Variants in AGO2 observed in about 807,000 individuals in gnomAD.
AGO2 encodes argonaute RISC catalytic component 2, also known as protein argonaute-2.
Under a neutral mutation model 102.3 loss-of-function variants are expected in AGO2, and 5 were observed. The ratio of observed to expected loss-of-function variants is 0.05; its 90% CI spans 0.03 to 0.10. The LOEUF (loss-of-function observed/expected upper bound fraction) is 0.10. Ranked by LOEUF, AGO2 falls within the 10% of genes least tolerant of loss-of-function variation. The probability of loss-of-function intolerance (pLI) is 1.00; values close to 1 mark genes in which losing one functional copy is unlikely to be tolerated. For synonymous variants in AGO2, 449 were observed against 473.1 expected (o/e 0.95, Z 0.66); for missense variants, 541 against 1,183.7 (o/e 0.46, Z 7.97).
In AGO2 at chr8:140,525,392, A is replaced by G. The variant is rs2072485697; in HGVS notation, c.*6652T>C. Reference sequence around the variant, plus strand: ...GCCCAAGGCCAGCCCAGCGGACCCAAGCAGCCTGTACCCTGGGCCGGCAGG... The same window carrying G: ...GCCCAAGGCCAGCCCAGCGGACCCAGGCAGCCTGTACCCTGGGCCGGCAGG... On this transcript the variant is annotated 3_prime_UTR_variant, in exon 19 of 19. Transcript: ENST00000220592. 1 of 152,368 alleles carries G rather than the reference A, an allele frequency of 6.6e-6. No homozygotes were observed. Among genetic ancestry groups the G allele is most frequent in the Non-Finnish European group, 1.5e-5 (1 of 68,196 alleles). The allele number at this position is 152,368 out of a possible 1,614,324, so 9.4% of individuals were successfully genotyped here. A position where few individuals can be genotyped will look rare whatever the true frequency, so the allele number is the denominator to read the frequency against.
chr8:140,541,370 G>A lies in AGO2; in HGVS notation c.1840-12C>T. ...ATGCTGCCCACCACCTGCAGGAACA[G>A]GCAGTGAGTGTGGTCAGGGGTTCCC... is the stretch of plus-strand genomic sequence containing the variant. On this transcript the variant is annotated splice_polypyrimidine_tract_variant and intron_variant, in intron 14 of 18. Transcript: ENST00000220592. 1 of 1,590,350 alleles carries A rather than the reference G, an allele frequency of 6.3e-7. No individual in the cohort carries two copies. The highest frequency in any genetic ancestry group is 8.5e-7 in the Non-Finnish European group (1 of 1,170,332).
At chr8:140,616,672 G>GCTGA (rs1182072571) in intron 1 of AGO2, among the ~76,000 whole-genome samples, 2 of 152,368 alleles carry the variant, frequency 1.3e-5, no homozygotes, top group South Asian at 2.1e-4. Flanking sequence ...AGGGGCAGCA[G>GCTGA]CAGTGGGCAG....
At chr8:140,580,020 G>A (rs948408349) in intron 2 of AGO2, among the ~76,000 whole-genome samples, 1 of 152,270 alleles carries the variant, frequency 6.6e-6, no homozygotes, top group Non-Finnish European at 1.5e-5. Flanking sequence ...CCTCCTCCTC[G>A]CAGCCCACCC....
chr8:140,544,440 G>T (rs551320818), intron 13 of AGO2, 137 bp from the exon 14 acceptor site: 3 of 720,120 alleles, frequency 4.2e-6, no homozygotes, highest in East Asian at 3.2e-5. Flanking sequence ...TCTTTTAACC[G>T]GAATACTAAA....
At chr8:140,586,469 G>C (rs751489450) in intron 1 of AGO2, among the ~76,000 whole-genome samples, 1 of 152,352 alleles carries the variant, frequency 6.6e-6, no homozygotes, top group African/African-American at 2.4e-5. Context: ...CTGGGTGACA[G>C]AGCGAGACTC....
chr8:140,585,246 C>T lies in AGO2; in HGVS notation c.88G>A (p.Asp30Asn), dbSNP rs777295689. 5.0e-6 allele frequency: 8 copies of T among 1,613,944 alleles called. No individual in the cohort carries two copies. In the African/African-American group the frequency reaches 5.3e-5, roughly 11 times the overall value. Residue 30 changes from aspartate to asparagine, a missense_variant, in exon 2 of 19, where the codon GAC (aspartate) becomes AAC (asparagine). Physicochemically the swap from Asp to Asn is conservative, Grantham distance 23. Around this residue, in one of 6 missense-constraint regions of AGO2, gnomAD observed 147 missense variants for 204.1 expected, o/e 0.72. Coordinates refer to ENST00000220592, the MANE Select transcript of AGO2 (RefSeq NM_012154.5). ...ATTGTTCTCCCGGAGGTCCCAAAGT[C>T]GGGTCTAGGTGGAGGCTTGAAGGCA... ...GYAFKPPPRP[D>N]FGTSGRTIKL... is the part of the protein sequence containing the mutation.
chr8:140,579,040 C>G (rs1341535876), intron 2 of AGO2, among the ~76,000 whole-genome samples: 1 of 152,146 alleles, frequency 6.6e-6, no homozygotes, highest in Non-Finnish European at 1.5e-5. Context: ...CTGGGCAACA[C>G]AGAGAGACCC....
intron 1 of AGO2, among the ~76,000 whole-genome samples, chr8:140,620,082 A>T (rs1434028050): frequency 1.3e-5 from 2 of 152,214 alleles, no homozygotes; most frequent in African/African-American, 4.8e-5. Flanking sequence ...GGAGAGGAAC[A>T]GTCAGAATGT....
At chr8:140,559,667 T>G in intron 5 of AGO2, 138 bp from the exon 6 acceptor site, 11 of 1,138,182 alleles carry the variant, frequency 9.7e-6, no homozygotes, top group Non-Finnish European at 9.9e-6. Context: ...CTACTGAGGC[T>G]AGCCTCAGGC....
chr8:140,584,127 G>C (rs931817888), intron 2 of AGO2, among the ~76,000 whole-genome samples: 1 of 101,120 alleles, frequency 9.9e-6, no homozygotes, highest in African/African-American at 3.8e-5. Context: ...AAAAAGACAA[G>C]AAACTCAGTA....
chr8:140,599,619 G>T (rs764873880), intron 1 of AGO2, among the ~76,000 whole-genome samples: 3 of 152,174 alleles, frequency 2.0e-5, no homozygotes, highest in Non-Finnish European at 4.4e-5. Context: ...CTCACCCGGG[G>T]TGCTCAAAGC....
chr8:140,576,295 GAC>G (rs2073462144), intron 2 of AGO2, among the ~76,000 whole-genome samples: 1 of 152,146 alleles, frequency 6.6e-6, no homozygotes, highest in Admixed American at 6.5e-5. Context: ...GCCTGGGCAT[GAC>G]AGAGTGAGAC....
chr8:140,584,975 A>T, intron 2 of AGO2, 144 bp downstream of exon 2: 1 of 682,068 alleles, frequency 1.5e-6, no homozygotes, highest in Non-Finnish European at 2.3e-6. Context: ...ACTCTGAAAA[A>T]CTGTTTTTGA....
At chr8:140,535,325 T>G in intron 17 of AGO2, 143 bp downstream of exon 17, 1 of 632,880 alleles carries the variant, frequency 1.6e-6, no homozygotes. Context: ...TGGCACAGCC[T>G]GGGCTCCCCG....
intron 1 of AGO2, among the ~76,000 whole-genome samples, chr8:140,633,349 C>T (rs1230522925): frequency 6.6e-6 from 1 of 152,120 alleles, no homozygotes; most frequent in Non-Finnish European, 1.5e-5. Flanking sequence ...CACGTTTGTA[C>T]AACCTGAAAC....
intron 1 of AGO2, among the ~76,000 whole-genome samples, chr8:140,603,251 A>C (rs1029510289): frequency 6.6e-6 from 1 of 152,228 alleles, no homozygotes; most frequent in South Asian, 2.1e-4. Flanking sequence ...GAAGTCTGTC[A>C]GCCAAAAACA....
chr8:140,538,907 C>T (rs959228716), intron 16 of AGO2, among the ~76,000 whole-genome samples: 2 of 152,054 alleles, frequency 1.3e-5, no homozygotes. Flanking sequence ...TTAAGACCAG[C>T]TTGGACAAAA....
Position 140,551,367 on chromosome 8 carries a change from C to T in AGO2, c.1339G>A (p.Glu447Lys), listed in dbSNP as rs1434061112. Residue 447 changes from glutamate to lysine, a missense_variant, in exon 11 of 19, where the codon GAG (glutamate) becomes AAG (lysine). Glu to Lys is a moderately conservative substitution (Grantham distance 56). This residue lies in a region of AGO2 where 309 missense variants were observed against 735.1 expected (regional missense o/e 0.42). Transcript: ENST00000220592. ...CACGCAATGGCCCACACCTTGATCT[C>T]GATGCCCGTGTGGAACTGCTTGTTC... is the stretch of plus-strand genomic sequence containing the variant. ...MRNKQFHTGI[E>K]IKVWAIACFA... is the part of the protein sequence containing the mutation. The T allele has an allele frequency of 1.2e-6, 2 of 1,600,038 alleles. No individual in the cohort carries two copies. The highest frequency in any genetic ancestry group is 1.7e-6 in the Non-Finnish European group (2 of 1,171,184).
At chr8:140,588,858 C>T (rs375541076) in intron 1 of AGO2, among the ~76,000 whole-genome samples, 7 of 152,320 alleles carry the variant, frequency 4.6e-5, no homozygotes, top group Non-Finnish European at 7.3e-5. Context: ...CGGAACCCAG[C>T]GCAGCGTCAT....
Sources: gnomAD v4.1 joint callset for allele counts (sites outside exome capture counted in the v4.1 genomes callset) on GRCh38, gnomAD v4.1.1 for gene constraint, gnomAD v4.1.1 regional missense constraint, MANE v1.5 for transcripts, NCBI Gene and HGNC (gene_info 2026-07-23, HGNC 2026-07-21) for gene names.